S100PBP: variants seen among roughly 807,000 people sequenced by gnomAD.
The protein encoded by S100PBP is S100P binding protein.
S100PBP carries 15 observed loss-of-function variants against 39.9 expected under a neutral mutation model. The ratio of observed to expected loss-of-function variants is 0.38; its 90% CI spans 0.25 to 0.58. S100PBP has a LOEUF of 0.58. Ranked by LOEUF, S100PBP falls within the 20% of genes least tolerant of loss-of-function variation. The probability of loss-of-function intolerance (pLI) is 0.70; values close to 1 mark genes in which losing one functional copy is unlikely to be tolerated. For missense variants in S100PBP, 504 were observed against 487.3 expected (o/e 1.03, Z -0.32); for synonymous variants, 178 against 180.3 (o/e 0.99, Z 0.10).
At chr1:32,841,713 G>A (rs1250458963) in intron 5 of S100PBP, among the ~76,000 whole-genome samples, 1 of 101,964 alleles carries the variant, frequency 9.8e-6, no homozygotes, top group African/African-American at 3.9e-5. Flanking sequence ...TGGGCAACAA[G>A]AGCAAAACTC....
chr1:32,830,205 C>T, intron 5 of S100PBP, 138 bp downstream of exon 5: 1 of 643,912 alleles, frequency 1.6e-6, no homozygotes, highest in East Asian at 2.7e-5. Context: ...AAAAGATTTT[C>T]ACTTAAAAGG....
chr1:32,842,236 T>TATATATATAC (rs372174677), intron 5 of S100PBP, among the ~76,000 whole-genome samples: 3,399 of 80,654 alleles, frequency 0.042, 89 homozygotes, highest in Middle Eastern at 0.059. Flanking sequence ...TATATATATA[T>TATATATATAC]ACACACACAC....
In S100PBP at chr1:32,857,030, C is replaced by G. The variant is rs1488138050; in HGVS notation, c.*992C>G. 1 of 151,940 alleles carries G rather than the reference C, an allele frequency of 6.6e-6. No individual in the cohort carries two copies. The highest frequency in any genetic ancestry group is 1.5e-5 in the Non-Finnish European group (1 of 67,946). 9.4% of individuals were successfully genotyped at this position (151,940 alleles called of 1,614,324 possible). ...TGATATTTAGTTTCATTTGCTGAAC[C>G]CCAAATTTGAGTGTTAGTTAGGGAG... On this transcript the variant is annotated 3_prime_UTR_variant, in exon 7 of 7. Transcript: ENST00000373475.
intron 6 of S100PBP, among the ~76,000 whole-genome samples, chr1:32,854,005 A>T (rs1640727865): frequency 6.7e-6 from 1 of 148,624 alleles, no homozygotes; most frequent in South Asian, 2.1e-4. Flanking sequence ...ATCTTCTGGA[A>T]TTTTTTTTTT....
intron 4 of S100PBP, among the ~76,000 whole-genome samples, chr1:32,828,600 T>C (rs1639446330): frequency 1.3e-5 from 2 of 152,146 alleles, no homozygotes; most frequent in African/African-American, 2.4e-5. Context: ...TTAAATTGAA[T>C]CTACTAGAAA....
chr1:32,826,864 A>G lies in S100PBP; in HGVS notation c.765A>G (p.Arg255=). 1 of 1,612,552 alleles carries G rather than the reference A, an allele frequency of 6.2e-7. No individual in the cohort carries two copies. Among genetic ancestry groups the G allele is most frequent in the Non-Finnish European group, 8.5e-7 (1 of 1,179,536 alleles). The change falls in exon 3 of 7, where the codon AGA becomes AGG. Residue 255 remains arginine, a synonymous_variant. Transcript: ENST00000373475. ...CTCCTAATATGGAGTTATCCTGCAG[A>G]AATGGTGGTTCACACAAGTCAAGTT... The part of the protein sequence containing the change: ...SETPNMELSC[R]NGGSHKSSCE...
Position 32,826,844 on chromosome 1 carries a change from A to G in S100PBP, c.745A>G (p.Asn249Asp), listed in dbSNP as rs772274676. Reference protein sequence around the residue: ...SRISDHSETPNMELSCRNGGS... With the variant: ...SRISDHSETPDMELSCRNGGS... ...GATCTCAGACCATTCAGAGACTCCTAATATGGAGTTATCCTGCAGAAATGG... is the reference window on the plus strand; with the variant it reads ...GATCTCAGACCATTCAGAGACTCCTGATATGGAGTTATCCTGCAGAAATGG... The change falls in exon 3 of 7, where the codon AAT becomes GAT. Residue 249 changes from asparagine (N) to aspartate (D), a missense_variant. Asn to Asp is a conservative substitution (Grantham distance 23). Coordinates refer to ENST00000373475, the MANE Select transcript of S100PBP (RefSeq NM_022753.4). The G allele has an allele frequency of 1.9e-6, 3 of 1,613,892 alleles. No homozygotes were observed. Among genetic ancestry groups the G allele is most frequent in the Admixed American group, 1.7e-5 (1 of 60,008 alleles).
Position 32,858,071 on chromosome 1 carries a change from T to C in S100PBP, c.*2033T>C, listed in dbSNP as rs1640887637. 1 of 152,244 alleles carries C rather than the reference T, an allele frequency of 6.6e-6. No homozygotes were observed. Among genetic ancestry groups the C allele is most frequent in the Admixed American group, 6.5e-5 (1 of 15,288 alleles). The allele number at this position is 152,244 out of a possible 1,614,324, so 9.4% of individuals were successfully genotyped here. A position where few individuals can be genotyped will look rare whatever the true frequency, so the allele number is the denominator to read the frequency against. On this transcript the variant is annotated 3_prime_UTR_variant, in exon 7 of 7. Coordinates refer to ENST00000373475, the MANE Select transcript of S100PBP (RefSeq NM_022753.4). The stretch of plus-strand genomic sequence containing the variant: ...GTGAGACATGCCAAACATCCACCTT[T>C]GGGACCATAGCATAGTTAAAATTAA...
chr1:32,831,183 G>T (rs1035079194), intron 5 of S100PBP, among the ~76,000 whole-genome samples: 7 of 152,118 alleles, frequency 4.6e-5, no homozygotes, highest in Non-Finnish European at 8.8e-5. Context: ...ATTGGAAATG[G>T]AAATGTAAAG....
chr1:32,846,269 A>G (rs577306119), intron 5 of S100PBP, among the ~76,000 whole-genome samples: 52 of 152,006 alleles, frequency 3.4e-4, no homozygotes, highest in African/African-American at 1.2e-3. Flanking sequence ...GATTACAGGC[A>G]TGAGCCACCA....
At chr1:32,851,214 A>G (rs1028358956) in intron 5 of S100PBP, among the ~76,000 whole-genome samples, 1 of 152,160 alleles carries the variant, frequency 6.6e-6, no homozygotes, top group Non-Finnish European at 1.5e-5. Context: ...AATAAATTAC[A>G]TTTATCCTAA....
intron 5 of S100PBP, among the ~76,000 whole-genome samples, chr1:32,850,952 C>G (rs1640582947): frequency 6.6e-6 from 1 of 152,218 alleles, no homozygotes; most frequent in Admixed American, 6.5e-5. Context: ...ATCATAATAG[C>G]TACCACTCAC....
chr1:32,837,093 A>T (rs1639856461), intron 5 of S100PBP: 2 of 149,624 alleles, frequency 1.3e-5, no homozygotes, highest in South Asian at 4.3e-4. Context: ...AACATACAAA[A>T]ATTAGCCTGG....
At chr1:32,849,958 C>T (rs912808818) in intron 5 of S100PBP, among the ~76,000 whole-genome samples, 1 of 152,102 alleles carries the variant, frequency 6.6e-6, no homozygotes, top group Non-Finnish European at 1.5e-5. Context: ...TATATATAAA[C>T]TAGCACATAG....
chr1:32,816,703 G>A (rs76213478), upstream of S100PBP: 62 of 165,630 alleles, frequency 3.7e-4, no homozygotes, highest in East Asian at 8.2e-3. Flanking sequence ...GTGGAGTGAG[G>A]GGGGGGGATC....
At chr1:32,817,148 C>G (rs1478043926), upstream of S100PBP, 1 of 1,612,842 alleles carries the variant, frequency 6.2e-7, no homozygotes, top group South Asian at 1.1e-5. Flanking sequence ...ACCTCGGGCT[C>G]CTAATCCCCA....
chr1:32,837,381 G>C (rs942850860), intron 5 of S100PBP, among the ~76,000 whole-genome samples: 5 of 145,460 alleles, frequency 3.4e-5, no homozygotes, highest in Non-Finnish European at 7.6e-5. Context: ...CACCTCCCAG[G>C]TTCAAGCAGT....
chr1:32,822,825 T>A (rs978088499), intron 1 of S100PBP, among the ~76,000 whole-genome samples: 1 of 152,170 alleles, frequency 6.6e-6, no homozygotes, highest in Non-Finnish European at 1.5e-5. Flanking sequence ...AGGAATTGAT[T>A]ATTGCAATGG....
intron 2 of S100PBP, among the ~76,000 whole-genome samples, 189 bp from the exon 3 acceptor site, chr1:32,825,909 A>G (rs983483521): frequency 6.6e-6 from 1 of 152,244 alleles, no homozygotes. Flanking sequence ...TTGATAGGCA[A>G]AAGTATCTCA....
Sources: allele counts gnomAD v4.1 joint callset (sites outside exome capture counted in the v4.1 genomes callset), GRCh38; gene constraint gnomAD v4.1.1; transcripts MANE v1.5; gene names NCBI Gene and HGNC (gene_info 2026-07-23, HGNC 2026-07-21).